CDKL1: variants seen among roughly 807,000 people sequenced by gnomAD.
CDKL1 encodes cyclin dependent kinase like 1, also known as cyclin-dependent kinase-like 1.
Under a neutral mutation model 42.0 loss-of-function variants are expected in CDKL1, and 41 were observed. That is an observed-to-expected ratio of 0.98 (90% CI 0.76 to 1.27). The LOEUF (loss-of-function observed/expected upper bound fraction) is 1.27, where lower values mean the gene tolerates loss of function less well. CDKL1 is among the 50% of genes most tolerant of loss of function. CDKL1 has a pLI of 0.00. For missense variants in CDKL1, 394 were observed against 428.4 expected, an observed-to-expected ratio of 0.92 and a Z score of 0.71; for synonymous variants, 153 against 158.6, an observed-to-expected ratio of 0.96 and a Z score of 0.26.
At chr14:50,352,833 A>C (rs2033942813) in intron 3 of CDKL1, among the ~76,000 whole-genome samples, 1 of 152,252 alleles carries the variant, frequency 6.6e-6, no homozygotes, top group African/African-American at 2.4e-5. Context: ...CTAGCCTGTC[A>C]TATAAAACTA....
intron 2 of CDKL1, among the ~76,000 whole-genome samples, chr14:50,361,184 T>C (rs930236537): frequency 6.6e-6 from 1 of 152,110 alleles, no homozygotes; most frequent in East Asian, 1.9e-4. Flanking sequence ...AGGAGGAAAA[T>C]TGAAGTTCTT....
intron 3 of CDKL1, among the ~76,000 whole-genome samples, chr14:50,352,658 G>T (rs987235681): frequency 6.6e-6 from 1 of 152,046 alleles, no homozygotes; most frequent in Non-Finnish European, 1.5e-5. Context: ...AGAGTTGAGG[G>T]GAAAAACAGC....
At chr14:50,371,103 A>G (rs757533506) in intron 2 of CDKL1, among the ~76,000 whole-genome samples, 4 of 152,184 alleles carry the variant, frequency 2.6e-5, no homozygotes, top group African/African-American at 9.7e-5. Flanking sequence ...TTAAGGCTGA[A>G]TAGTACTGTA....
chr14:50,348,860 G>A (rs1450443404), intron 3 of CDKL1, among the ~76,000 whole-genome samples: 2 of 152,172 alleles, frequency 1.3e-5, no homozygotes, highest in African/African-American at 4.8e-5. Context: ...AATATCCTCA[G>A]AGAGAACAGG....
chr14:50,354,013 G>A (rs2033981569), intron 3 of CDKL1, among the ~76,000 whole-genome samples: 2 of 148,082 alleles, frequency 1.4e-5, no homozygotes, highest in Non-Finnish European at 3.0e-5. Context: ...GGACTGCAGT[G>A]GCACTATCTC....
chr14:50,331,190 A>T (rs2032920195), intron 9 of CDKL1: 1 of 152,310 alleles, frequency 6.6e-6, no homozygotes, highest in African/African-American at 2.4e-5. Flanking sequence ...CCAAGATCAT[A>T]CCACTGCACT....
chr14:50,362,850 G>C (rs367894712), intron 2 of CDKL1: 31 of 365,594 alleles, frequency 8.5e-5, no homozygotes, highest in South Asian at 6.1e-4. Flanking sequence ...CCAGATAAGA[G>C]AATAAAAGCA....
At chr14:50,372,965 G>A (rs2034630520) in intron 2 of CDKL1, among the ~76,000 whole-genome samples, 1 of 151,998 alleles carries the variant, frequency 6.6e-6, no homozygotes, top group Admixed American at 6.6e-5. Context: ...AAATCAGGTA[G>A]TGTGATGGCT....
intron 2 of CDKL1, among the ~76,000 whole-genome samples, chr14:50,393,367 C>T (rs1405807320): frequency 1.3e-5 from 2 of 152,194 alleles, no homozygotes; most frequent in Non-Finnish European, 2.9e-5. Context: ...GCATAAACAT[C>T]GTTTTAGGCA....
Position 50,331,882 on chromosome 14 carries a change from G to A in CDKL1, c.966+380C>T, listed in dbSNP as rs568015392. The A allele has an allele frequency of 1.7e-5, 13 of 772,742 alleles. No individual in the cohort carries two copies. The East Asian group carries it at 3.5e-4, about 21-fold the overall frequency. The allele number at this position is 772,742 out of a possible 1,614,324, so 47.9% of individuals were successfully genotyped here. On this transcript the variant is annotated intron_variant, in intron 9 of 9. Coordinates refer to ENST00000395834, the MANE Select transcript of CDKL1 (RefSeq NM_004196.7). ...ACAGCTCCTTTTTTGGACAAACCTGGAGTGTTAGTTTTAATACTAAAAGTG... is the reference window on the plus strand; with the variant it reads ...ACAGCTCCTTTTTTGGACAAACCTGAAGTGTTAGTTTTAATACTAAAAGTG...
At chr14:50,372,728 A>G (rs1286094352) in intron 2 of CDKL1, among the ~76,000 whole-genome samples, 2 of 152,158 alleles carry the variant, frequency 1.3e-5, no homozygotes, top group African/African-American at 4.8e-5. Flanking sequence ...ATAAGGGTCC[A>G]GTTTCATTGT....
intron 4 of CDKL1, chr14:50,342,700 G>C (rs771160060): frequency 3.2e-6 from 1 of 310,970 alleles, no homozygotes; most frequent in Admixed American, 5.3e-5. Flanking sequence ...GGTTGCAGGA[G>C]CTGCAAATTG....
At chr14:50,371,568 CT>C (rs34038772) in intron 2 of CDKL1, among the ~76,000 whole-genome samples, 9 of 152,156 alleles carry the variant, frequency 5.9e-5, no homozygotes, top group Non-Finnish European at 1.2e-4. Flanking sequence ...TTTTTTCCCC[CT>C]TTTTTAGAGA....
At chr14:50,342,261 G>A (rs370834086) in intron 4 of CDKL1, 39 bp from the exon 5 acceptor site, 14 of 1,560,862 alleles carry the variant, frequency 9.0e-6, no homozygotes, top group Non-Finnish European at 1.2e-5. Context: ...TATTAAGGCT[G>A]AACTATATAT....
At chr14:50,383,520 T>C (rs1335469748) in intron 2 of CDKL1, among the ~76,000 whole-genome samples, 1 of 145,276 alleles carries the variant, frequency 6.9e-6, no homozygotes, top group Non-Finnish European at 1.5e-5. Context: ...GCCACTACAC[T>C]CCAGCCTGAG....
chr14:50,392,394 T>C (rs532312524), intron 2 of CDKL1, among the ~76,000 whole-genome samples: 2 of 151,574 alleles, frequency 1.3e-5, no homozygotes, highest in African/African-American at 4.8e-5. Flanking sequence ...TGCAGTGAGC[T>C]GAGATTGTGC....
At chr14:50,343,594 G>A (rs1437586936) in intron 4 of CDKL1, among the ~76,000 whole-genome samples, 2 of 152,184 alleles carry the variant, frequency 1.3e-5, no homozygotes, top group Non-Finnish European at 2.9e-5. Flanking sequence ...GTACTTGTAA[G>A]CAAGCATGTG....
chr14:50,326,368 T>C lies in CDKL1; in HGVS notation c.*3706A>G. ...ATTTGTACAACAGATGTTTTTATTA[T>C]AACAGTAATTTACATTTAACTTTAA... On this transcript the variant is annotated 3_prime_UTR_variant, in exon 10 of 10. Coordinates refer to ENST00000395834, the MANE Select transcript of CDKL1 (RefSeq NM_004196.7). The C allele has an allele frequency of 1.1e-6, 1 of 886,070 alleles. No individual in the cohort carries two copies. Among genetic ancestry groups the C allele is most frequent in the Non-Finnish European group, 1.4e-6 (1 of 739,480 alleles). The allele number at this position is 886,070 out of a possible 1,614,324, so 54.9% of individuals were successfully genotyped here.
intron 2 of CDKL1, among the ~76,000 whole-genome samples, chr14:50,370,374 C>T (rs2034558220): frequency 6.6e-6 from 1 of 152,198 alleles, no homozygotes; most frequent in African/African-American, 2.4e-5. Flanking sequence ...CAGCCTCTCT[C>T]AGCAATTTTG....
Sources: allele counts gnomAD v4.1 joint callset (sites outside exome capture counted in the v4.1 genomes callset), GRCh38; gene constraint gnomAD v4.1.1; transcripts MANE v1.5; gene names NCBI Gene and HGNC (gene_info 2026-07-23, HGNC 2026-07-21).